Variants in SUGP2 observed in about 807,000 individuals in gnomAD.
SUGP2 encodes SURP and G-patch domain containing 2.
SUGP2 carries 24 observed loss-of-function variants against 90.5 expected under a neutral mutation model. The observed-to-expected ratio is 0.27, with a 90% CI of 0.19 to 0.37. SUGP2 has a LOEUF of 0.37. Ranked by LOEUF, SUGP2 falls within the 10% of genes least tolerant of loss-of-function variation. The pLI is 1.00. For synonymous variants in SUGP2, 473 were observed against 513.4 expected, an observed-to-expected ratio of 0.92 and a Z score of 1.06; for missense variants, 1,233 against 1,363.3, an observed-to-expected ratio of 0.90 and a Z score of 1.51.
intron 8 of SUGP2, among the ~76,000 whole-genome samples, chr19:18,996,030 C>T (rs2057566753): frequency 2.0e-5 from 3 of 152,160 alleles, no homozygotes; most frequent in Admixed American, 2.0e-4. Flanking sequence ...ATTCATGACA[C>T]ACTGCTGTGT....
intron 6 of SUGP2, 111 bp downstream of exon 6, chr19:19,008,206 A>C: frequency 2.2e-6 from 2 of 917,878 alleles, no homozygotes; most frequent in Non-Finnish European, 3.6e-6. Flanking sequence ...CTGGAGGCTG[A>C]AACAGGAGGA....
At chr19:19,019,780 T>C (rs1479919753) in intron 3 of SUGP2, among the ~76,000 whole-genome samples, 2 of 149,492 alleles carry the variant, frequency 1.3e-5, no homozygotes, top group Admixed American at 6.7e-5. Flanking sequence ...AAAAAAAAAC[T>C]TGTGTTTTGT....
At position 19,029,711 on chromosome 19, in the gene SUGP2, G is replaced by A. The variant is rs538591019; in HGVS notation, c.121+1240C>T. 6.6e-5 allele frequency among the ~76,000 whole-genome samples: 10 copies of A among 150,816 alleles called. No homozygotes were observed. The South Asian group carries it at 8.4e-4, about 13-fold the overall frequency. On this transcript the variant is annotated intron_variant, in intron 2 of 10. Transcript: ENST00000452918. ...TCCCAGCACTCTGGGAGGCCGAGGC[G>A]GGCAGATCACAAGGTCAGGAGTTCA...
intron 8 of SUGP2, among the ~76,000 whole-genome samples, chr19:18,997,800 A>AAAGAAAGAAAG (rs1555725591): frequency 1.4e-5 from 2 of 147,742 alleles, no homozygotes; most frequent in African/African-American, 5.2e-5. Flanking sequence ...AAAAAAAAAA[A>AAAGAAAGAAAG]AAAGAAAGAA....
chr19:19,001,730 T>C (rs913322299), intron 7 of SUGP2, 56 bp from the exon 8 acceptor site: 35 of 1,568,196 alleles, frequency 2.2e-5, no homozygotes, highest in Non-Finnish European at 3.0e-5. Context: ...CTAAATTACT[T>C]AGAGACTGAA....
chr19:19,002,145 C>T lies in SUGP2; in HGVS notation c.2930-471G>A, dbSNP rs530446400. Among the ~76,000 whole-genome samples the T allele has an allele frequency of 1.8e-4, 27 of 152,218 alleles. 1 individual carries two copies. In the East Asian group the frequency reaches 4.1e-3, roughly 23 times the overall value. ...CTGTAATCCCATCACTTTGGGAGGC[C>T]GAGATGGGCGGATCACCCGAGGTTA... On this transcript the variant is annotated intron_variant, in intron 7 of 10. Coordinates refer to ENST00000452918, the MANE Select transcript of SUGP2 (RefSeq NM_001017392.5).
Position 18,991,295 on chromosome 19 carries a change from T to G in SUGP2, c.*2446A>C, listed in dbSNP as rs1418536968. 2 of 152,414 alleles carry G rather than the reference T, an allele frequency of 1.3e-5. No homozygotes were observed. Among genetic ancestry groups the G allele is most frequent in the Non-Finnish European group, 2.9e-5 (2 of 68,224 alleles). 9.4% of individuals were successfully genotyped at this position (152,414 alleles called of 1,614,324 possible). A position where few individuals can be genotyped will look rare whatever the true frequency, so the allele number is the denominator to read the frequency against. On this transcript the variant is annotated 3_prime_UTR_variant, in exon 11 of 11. Coordinates refer to ENST00000452918, the MANE Select transcript of SUGP2 (RefSeq NM_001017392.5). ...AGGGGCTGGGGGCACGGAGGGCCAG[T>G]GGCATCTCCTCTATCCCGGCTGGCC...
intron 8 of SUGP2, among the ~76,000 whole-genome samples, chr19:18,997,608 C>T (rs780456875): frequency 2.0e-5 from 3 of 151,888 alleles, no homozygotes; most frequent in Non-Finnish European, 4.4e-5. Context: ...CATGGTGAAT[C>T]CCCATCTCTA....
At position 19,001,596 on chromosome 19, in the gene SUGP2, C is replaced by A. The variant is rs760237195; in HGVS notation, c.2991+17G>T. The A allele has an allele frequency of 1.9e-6, 3 of 1,613,804 alleles. No homozygotes were observed. In the East Asian group the frequency reaches 6.7e-5, roughly 36 times the overall value. On this transcript the variant is annotated intron_variant, in intron 8 of 10. Transcript: ENST00000452918. ...CCAACTATACTTTGAGTGAGGACTA[C>A]CAATGATTACGCTCACCTTCTTTTT...
At chr19:19,014,162 T>C (rs1188146340) in intron 4 of SUGP2, among the ~76,000 whole-genome samples, 1 of 152,114 alleles carries the variant, frequency 6.6e-6, no homozygotes, top group East Asian at 1.9e-4. Flanking sequence ...CCCAGCTAAT[T>C]TTTTATTTTT....
In SUGP2 at chr19:19,025,524, G is replaced by A; in HGVS notation, c.824C>T (p.Thr275Ile). The A allele has an allele frequency of 6.2e-7, 1 of 1,614,124 alleles. No individual in the cohort carries two copies. Among genetic ancestry groups the A allele is most frequent in the Non-Finnish European group, 8.5e-7 (1 of 1,180,020 alleles). ...TQGTNQIQKN[T>I]PSPDVTLGTN... ...CCCCAGGGTCACATCAGGACTTGGA[G>A]TGTTTTTCTGGATTTGGTTAGTGCC... The change falls in exon 3 of 11, where the codon ACT becomes ATT. Residue 275 changes from threonine (T) to isoleucine (I), a missense_variant. Transcript: ENST00000452918.
intron 4 of SUGP2, among the ~76,000 whole-genome samples, chr19:19,015,368 T>G (rs2058462156): frequency 6.6e-6 from 1 of 152,206 alleles, no homozygotes; most frequent in South Asian, 2.1e-4. Context: ...ATTGACTGTT[T>G]TGTTAAATAC....
chr19:19,025,802 C>G lies in SUGP2; in HGVS notation c.546G>C (p.Glu182Asp). The change falls in exon 3 of 11, where the codon GAG becomes GAC. Residue 182 changes from glutamate to aspartate, a missense_variant. Physicochemically the swap from Glu to Asp is conservative, Grantham distance 45 (BLOSUM62 2). Coordinates refer to ENST00000452918, the MANE Select transcript of SUGP2 (RefSeq NM_001017392.5). The part of the protein sequence containing the change: ...DFGSSRLIEK[E>D]CLEKESRDYD... ...AATCCCGACTCTCCTTCTCCAAACA[C>G]TCTTTCTCAATCAGCCTGGAAGATC... 1 of 1,614,102 alleles carries G rather than the reference C, an allele frequency of 6.2e-7. No individual in the cohort carries two copies. The highest frequency in any genetic ancestry group is 8.5e-7 in the Non-Finnish European group (1 of 1,180,022).
chr19:19,029,297 A>G (rs1295881356), intron 2 of SUGP2, among the ~76,000 whole-genome samples: 3 of 151,170 alleles, frequency 2.0e-5, no homozygotes, highest in African/African-American at 7.3e-5. Flanking sequence ...GCCCGCCACC[A>G]CGCCCGGCTA....
intron 8 of SUGP2, among the ~76,000 whole-genome samples, chr19:19,000,292 C>T (rs937699010): frequency 2.0e-5 from 3 of 152,222 alleles, no homozygotes; most frequent in African/African-American, 7.2e-5. Flanking sequence ...CAAGAGAGAC[C>T]TCCCTTGGCT....
At chr19:19,018,132 T>C (rs1490410834) in intron 4 of SUGP2, among the ~76,000 whole-genome samples, 5 of 151,846 alleles carry the variant, frequency 3.3e-5, no homozygotes, top group African/African-American at 9.7e-5. Flanking sequence ...CAAGCATTAT[T>C]TGTTGCCACT....
chr19:19,001,177 G>A (rs987166238), intron 8 of SUGP2, among the ~76,000 whole-genome samples: 1 of 151,968 alleles, frequency 6.6e-6, no homozygotes, highest in African/African-American at 2.4e-5. Flanking sequence ...CACCATGCCC[G>A]GCTAATTTTT....
intron 10 of SUGP2, 125 bp downstream of exon 10, chr19:18,994,241 G>C (rs1230176874): frequency 7.6e-7 from 1 of 1,317,958 alleles, no homozygotes; most frequent in Non-Finnish European, 1.1e-6. Context: ...ACAGAATTTT[G>C]TGATTTTTTT....
intron 4 of SUGP2, among the ~76,000 whole-genome samples, chr19:19,011,353 G>A (rs1652852691): frequency 6.6e-6 from 1 of 151,772 alleles, no homozygotes; most frequent in African/African-American, 2.4e-5. Flanking sequence ...TCACCATGTT[G>A]CCTAGGCTGA....
Sources: allele counts gnomAD v4.1 joint callset (sites outside exome capture counted in the v4.1 genomes callset), GRCh38; gene constraint gnomAD v4.1.1; transcripts MANE v1.5; gene names NCBI Gene and HGNC (gene_info 2026-07-23, HGNC 2026-07-21).